The following GPM6A variants were observed in gnomAD, a reference collection of about 807,000 sequenced individuals.
GPM6A encodes the protein glycoprotein M6A.
A neutral mutation model predicts 32.1 loss-of-function variants in GPM6A; 7 were observed. The ratio of observed to expected loss-of-function variants is 0.22; its 90% confidence interval spans 0.12 to 0.41. The LOEUF (loss-of-function observed/expected upper bound fraction) is 0.41, where lower values mean the gene tolerates loss of function less well. Ranked by LOEUF, GPM6A falls within the 10% of genes least tolerant of loss-of-function variation. The probability of loss-of-function intolerance (pLI) is 1.00; values close to 1 mark genes in which losing one functional copy is unlikely to be tolerated. For synonymous variants in GPM6A, 130 were observed against 123.4 expected (o/e 1.05, Z -0.35); for missense variants, 235 against 347.2 (o/e 0.68, Z 2.57).
Position 175,794,911 on chromosome 4 carries a change from C to G in GPM6A, c.37+17280G>C, listed in dbSNP as rs138784971. Among the ~76,000 whole-genome samples the G allele has an allele frequency of 6.2e-3, 939 of 152,150 alleles. 11 individuals are homozygous for G. The highest frequency in any genetic ancestry group is 0.022 in the African/African-American group (897 of 41,506). On this transcript the variant is annotated intron_variant, in intron 1 of 6. Transcript: ENST00000393658. ...TTATAGGCAGTAGAAACAATGGAAG[C>G]CTTTACGCAACAGAATCCATGAATA...
At chr4:175,833,800 C>G (rs1485522695) in intron 1 of GPM6A, among the ~76,000 whole-genome samples, 2 of 151,760 alleles carry the variant, frequency 1.3e-5, no homozygotes, top group African/African-American at 4.8e-5. Context: ...TCAGCTATAC[C>G]CAGGGCATCA....
At chr4:175,847,236 CATTA>C (rs1736118683) in intron 1 of GPM6A, among the ~76,000 whole-genome samples, 1 of 152,134 alleles carries the variant, frequency 6.6e-6, no homozygotes, top group South Asian at 2.1e-4. Flanking sequence ...TTCACATGCC[CATTA>C]AAGCAAATTC....
chr4:175,879,205 C>T (rs2220917), intron 1 of GPM6A, among the ~76,000 whole-genome samples: 66,161 of 151,944 alleles, frequency 0.44, 16,268 homozygotes, highest in Non-Finnish European at 0.55. Flanking sequence ...CAAACTTTCC[C>T]ATGTCTTCCT....
intron 1 of GPM6A, among the ~76,000 whole-genome samples, chr4:175,847,640 G>T (rs201883082): frequency 6.6e-6 from 1 of 152,024 alleles, no homozygotes; most frequent in Non-Finnish European, 1.5e-5. Flanking sequence ...ACGCCAAAGA[G>T]AAGCCATAAA....
intron 1 of GPM6A, among the ~76,000 whole-genome samples, chr4:175,899,908 A>G (rs1737902501): frequency 6.6e-6 from 1 of 152,172 alleles, no homozygotes; most frequent in Non-Finnish European, 1.5e-5. Flanking sequence ...ACAGCAAAGG[A>G]TCTAATCAAC....
At chr4:175,869,749 T>A (rs1450588053) in intron 1 of GPM6A, among the ~76,000 whole-genome samples, 1 of 149,398 alleles carries the variant, frequency 6.7e-6, no homozygotes, top group Non-Finnish European at 1.5e-5. Context: ...AGAACAAGAC[T>A]CCGTCTCAAA....
At chr4:175,967,586 G>A (rs918547331) in intron 1 of GPM6A, among the ~76,000 whole-genome samples, 1 of 152,038 alleles carries the variant, frequency 6.6e-6, no homozygotes, top group Non-Finnish European at 1.5e-5. Flanking sequence ...CAGGATACCA[G>A]GTTAATATAT....
chr4:175,826,073 C>G (rs1735426880), intron 1 of GPM6A, among the ~76,000 whole-genome samples: 1 of 135,534 alleles, frequency 7.4e-6, no homozygotes, highest in African/African-American at 3.9e-5. Flanking sequence ...GGGACTGAGG[C>G]AGGAGGATGA....
rs571637897 is a variant in GPM6A at position 175,974,304 on chromosome 4, T to C, written c.-23+28005A>G. On this transcript the variant is annotated intron_variant, in intron 1 of 7. Coordinates refer to the GPM6A transcript ENST00000280187. ...AGATCCTTTGTTCTGTTTTGTCCCT[T>C]TCAGATCCACCCTGAAAAAAGCTTC... Among the ~76,000 whole-genome samples, 611 of 152,286 alleles carry C rather than the reference T, an allele frequency of 4.0e-3. 2 individuals are homozygous for C. The highest frequency in any genetic ancestry group is 5.6e-3 in the Non-Finnish European group (383 of 68,014).
chr4:175,992,334 C>G (rs752976797), intron 1 of GPM6A, among the ~76,000 whole-genome samples: 2 of 151,994 alleles, frequency 1.3e-5, no homozygotes, highest in Non-Finnish European at 2.9e-5. Flanking sequence ...AAAAAAATAT[C>G]TAAAGACTTG....
chr4:175,894,699 C>T (rs1159911481), intron 1 of GPM6A, among the ~76,000 whole-genome samples: 1 of 152,078 alleles, frequency 6.6e-6, no homozygotes, highest in Admixed American at 6.6e-5. Context: ...ACCACAGAAA[C>T]CCCTCAAAAA....
intron 1 of GPM6A, among the ~76,000 whole-genome samples, chr4:175,796,423 C>G (rs1285910340): frequency 6.6e-6 from 1 of 152,062 alleles, no homozygotes; most frequent in African/African-American, 2.4e-5. Context: ...CTCAACAATT[C>G]CAACATATAG....
chr4:175,900,344 AAAG>A (rs1737923836), intron 1 of GPM6A, among the ~76,000 whole-genome samples: 4 of 148,112 alleles, frequency 2.7e-5, no homozygotes, highest in South Asian at 2.1e-4. Context: ...AAAGGAAAGG[AAAG>A]GAAAAGAAAG....
intron 1 of GPM6A, among the ~76,000 whole-genome samples, chr4:175,862,526 A>C (rs143017650): frequency 1.3e-5 from 2 of 152,318 alleles, no homozygotes; most frequent in Non-Finnish European, 2.9e-5. Flanking sequence ...TTATTAATCC[A>C]ATCTATTGCT....
chr4:175,851,135 G>A (rs1266617610), intron 1 of GPM6A, among the ~76,000 whole-genome samples: 1 of 152,072 alleles, frequency 6.6e-6, no homozygotes, highest in African/African-American at 2.4e-5. Context: ...GAGGTGGGCA[G>A]ATCACAAGGT....
intron 1 of GPM6A, among the ~76,000 whole-genome samples, chr4:175,721,165 A>ATATATATATT (rs1553981545): frequency 5.5e-5 from 8 of 145,316 alleles, no homozygotes; most frequent in Non-Finnish European, 1.2e-4. Context: ...ATATATATAT[A>ATATATATATT]TTTTCTATTT....
At chr4:175,670,019 A>G (rs544038679) in intron 3 of GPM6A, among the ~76,000 whole-genome samples, 1 of 152,108 alleles carries the variant, frequency 6.6e-6, no homozygotes, top group East Asian at 1.9e-4. Context: ...AAAAAAAATC[A>G]ACCCGGTGAC....
At chr4:175,815,564 C>T (rs1735071988), upstream of GPM6A, among the ~76,000 whole-genome samples, 1 of 152,006 alleles carries the variant, frequency 6.6e-6, no homozygotes, top group African/African-American at 2.4e-5. Flanking sequence ...GTATTTGCCC[C>T]ATTCTACTCT....
At chr4:175,800,907 T>A (rs1734447664) in intron 1 of GPM6A, 1 of 197,090 alleles carries the variant, frequency 5.1e-6, no homozygotes, top group Admixed American at 4.6e-5. Context: ...TTTTGGAGTG[T>A]TATTCTATCT....
Sources: allele counts gnomAD v4.1 joint callset (sites outside exome capture counted in the v4.1 genomes callset), GRCh38; gene constraint gnomAD v4.1.1; transcripts MANE v1.5; gene names NCBI Gene and HGNC (gene_info 2026-07-23, HGNC 2026-07-21).